The following HDAC9 variants were observed in gnomAD, a reference collection of about 807,000 sequenced individuals.
HDAC9 encodes histone deacetylase 9.
In HDAC9, 41 loss-of-function variants were observed where a neutral mutation model predicts 139.4. That is an observed-to-expected ratio of 0.29 (90% confidence interval 0.23 to 0.38). HDAC9 has a LOEUF of 0.38. Ranked by LOEUF, HDAC9 falls within the 10% of genes least tolerant of loss-of-function variation. The probability of loss-of-function intolerance (pLI) is 1.00; values close to 1 mark genes in which losing one functional copy is unlikely to be tolerated. For missense variants in HDAC9, 1,147 were observed against 1,297.0 expected (o/e 0.88, Z 1.78); for synonymous variants, 517 against 476.2 (o/e 1.09, Z -1.12).
rs537729185 is a variant in HDAC9 at position 18,995,811 on chromosome 7, C to T, written c.3171-212C>T. 1.3e-4 allele frequency among the ~76,000 whole-genome samples: 20 copies of T among 152,234 alleles called. No homozygotes were observed. The South Asian group carries it at 3.5e-3, about 27-fold the overall frequency. ...ATATTCTGACATGTTTTAATATAAA[C>T]AGGAACATTTCCAGTGATTGCTTGG... is the stretch of plus-strand genomic sequence containing the variant. On this transcript the variant is annotated intron_variant, in intron 25 of 25. Coordinates refer to ENST00000686413, the MANE Select transcript of HDAC9 (RefSeq NM_178425.4).
intron 12 of HDAC9, among the ~76,000 whole-genome samples, chr7:18,677,620 C>T (rs914500125): frequency 1.3e-5 from 2 of 151,858 alleles, no homozygotes; most frequent in South Asian, 2.1e-4. Flanking sequence ...TATTACTCTG[C>T]GTTCTTGTTT....
chr7:18,956,451 A>G (rs909623201), intron 24 of HDAC9, among the ~76,000 whole-genome samples: 3 of 152,106 alleles, frequency 2.0e-5, no homozygotes, highest in Non-Finnish European at 4.4e-5. Flanking sequence ...CCCTCCAGGA[A>G]GGGTTGACAG....
At chr7:18,556,526 C>CTT (rs1191187867) in intron 2 of HDAC9, among the ~76,000 whole-genome samples, 1 of 152,004 alleles carries the variant, frequency 6.6e-6, no homozygotes, top group Non-Finnish European at 1.5e-5. Context: ...TTCAAAGCGT[C>CTT]TTTACTATCT....
chr7:18,573,622 G>C (rs1212527699), intron 2 of HDAC9, among the ~76,000 whole-genome samples: 23 of 152,238 alleles, frequency 1.5e-4, no homozygotes, highest in Admixed American at 1.5e-3. Flanking sequence ...GTGATTGAGT[G>C]CAGGGTCTAG....
intron 22 of HDAC9, among the ~76,000 whole-genome samples, chr7:18,881,645 A>C (rs1472057282): frequency 6.6e-6 from 1 of 152,136 alleles, no homozygotes; most frequent in Non-Finnish European, 1.5e-5. Flanking sequence ...TAAAGAACCT[A>C]ATCATATTTA....
chr7:18,282,849 C>T lies in HDAC9; in HGVS notation c.25+120500C>T, dbSNP rs544128042. On this transcript the variant is annotated intron_variant, in intron 2 of 12. Transcript: ENST00000417496. ...GACTATTTGATTGATTAAAGATTCCCACCCTTAAAATTAGGACTGAAAGAC... is the reference window on the plus strand; with the variant it reads ...GACTATTTGATTGATTAAAGATTCCTACCCTTAAAATTAGGACTGAAAGAC... Among the ~76,000 whole-genome samples, 16 of 152,070 alleles carry T rather than the reference C, an allele frequency of 1.1e-4. 1 individual carries two copies. Among genetic ancestry groups the T allele is most frequent in the African/African-American group, 3.9e-4 (16 of 41,468 alleles).
Position 18,591,512 on chromosome 7 carries a change from T to C in HDAC9, c.416-4T>C. On this transcript the variant is annotated splice_region_variant and splice_polypyrimidine_tract_variant and intron_variant, in intron 4 of 25. Coordinates refer to ENST00000686413, the MANE Select transcript of HDAC9 (RefSeq NM_178425.4). ...GTGTGTGTGTGTGTGTGTGTGTATTTCAGGGGCAGTGGCAAGTACAGAAGT... is the reference window on the plus strand; with the variant it reads ...GTGTGTGTGTGTGTGTGTGTGTATTCCAGGGGCAGTGGCAAGTACAGAAGT... 1 of 1,564,840 alleles carries C rather than the reference T, an allele frequency of 6.4e-7. No homozygotes were observed. Among genetic ancestry groups the C allele is most frequent in the South Asian group, 1.2e-5 (1 of 85,192 alleles).
intron 22 of HDAC9, among the ~76,000 whole-genome samples, chr7:18,895,777 C>T (rs563461645): frequency 7.2e-5 from 11 of 152,114 alleles, no homozygotes; most frequent in East Asian, 5.8e-4. Flanking sequence ...AGTTGGAGTT[C>T]GCATTTGATC....
chr7:18,363,883 C>A (rs925960148), intron 1 of HDAC9, among the ~76,000 whole-genome samples: 1 of 152,094 alleles, frequency 6.6e-6, no homozygotes, highest in East Asian at 1.9e-4. Flanking sequence ...CCCCAGAATT[C>A]ATTTGCTTTT....
chr7:18,879,164 A>G (rs1799539640), intron 22 of HDAC9, among the ~76,000 whole-genome samples: 1 of 152,182 alleles, frequency 6.6e-6, no homozygotes. Flanking sequence ...CAGAGGAAAC[A>G]TAAACAAATG....
intron 12 of HDAC9, among the ~76,000 whole-genome samples, chr7:18,676,162 AG>A (rs1781492937): frequency 6.6e-6 from 1 of 151,986 alleles, no homozygotes; most frequent in South Asian, 2.1e-4. Context: ...AGTAGCCTAT[AG>A]GGGGTTCTCT....
intron 8 of HDAC9, among the ~76,000 whole-genome samples, chr7:18,637,104 A>T (rs1359134607): frequency 6.6e-6 from 1 of 152,054 alleles, no homozygotes; most frequent in Non-Finnish European, 1.5e-5. Flanking sequence ...ACATGGGAGG[A>T]TTTTATTAGG....
chr7:18,208,735 A>T (rs905021918), intron 2 of HDAC9, among the ~76,000 whole-genome samples: 1 of 152,116 alleles, frequency 6.6e-6, no homozygotes, highest in Non-Finnish European at 1.5e-5. Flanking sequence ...AAAAAATTTA[A>T]AAAAAAATTT....
intron 22 of HDAC9, among the ~76,000 whole-genome samples, chr7:18,882,165 T>G (rs1419789698): frequency 1.3e-5 from 2 of 152,144 alleles, no homozygotes; most frequent in Non-Finnish European, 2.9e-5. Flanking sequence ...TTCCACTATA[T>G]TCGATGTTTC....
chr7:18,764,002 T>G (rs1240818906), intron 15 of HDAC9, among the ~76,000 whole-genome samples: 1 of 152,132 alleles, frequency 6.6e-6, no homozygotes, highest in African/African-American at 2.4e-5. Flanking sequence ...AAGTTTAAAC[T>G]TTTGCAACAT....
At chr7:18,831,149 T>C (rs1011635789) in intron 19 of HDAC9, among the ~76,000 whole-genome samples, 2 of 152,166 alleles carry the variant, frequency 1.3e-5, no homozygotes, top group Non-Finnish European at 2.9e-5. Flanking sequence ...TCTTTTAGTG[T>C]TTACTTTCTA....
intron 1 of HDAC9, among the ~76,000 whole-genome samples, chr7:18,387,298 A>G (rs951004667): frequency 1.3e-5 from 2 of 152,142 alleles, no homozygotes; most frequent in African/African-American, 4.8e-5. Context: ...ATATGTTGGT[A>G]CCCAGTGAGG....
chr7:18,750,968 C>T (rs866532351), intron 14 of HDAC9, among the ~76,000 whole-genome samples: 5 of 152,186 alleles, frequency 3.3e-5, no homozygotes, highest in Middle Eastern at 3.4e-3. Context: ...TCATAGCCTT[C>T]GAATGCCTTG....
At chr7:18,194,903 G>A (rs1790618717) in intron 2 of HDAC9, among the ~76,000 whole-genome samples, 1 of 151,778 alleles carries the variant, frequency 6.6e-6, no homozygotes, top group African/African-American at 2.4e-5. Context: ...ATCTATTAAG[G>A]TTATAGGAGG....
Sources: gnomAD v4.1 joint callset for allele counts (sites outside exome capture counted in the v4.1 genomes callset) on GRCh38, gnomAD v4.1.1 for gene constraint, MANE v1.5 for transcripts, NCBI Gene and HGNC (gene_info 2026-07-23, HGNC 2026-07-21) for gene names.